The following DNER variants were observed in gnomAD, a reference collection of about 807,000 sequenced individuals.
The protein encoded by DNER is delta and Notch-like epidermal growth factor-related receptor.
In DNER, 33 loss-of-function variants were observed where a neutral mutation model predicts 78.2. The observed-to-expected ratio is 0.42, with a 90% CI of 0.32 to 0.56. The LOEUF (loss-of-function observed/expected upper bound fraction) is 0.56, where lower values mean the gene tolerates loss of function less well. Ranked by LOEUF, DNER falls within the 20% of genes least tolerant of loss-of-function variation. DNER has a pLI of 0.11. For missense variants in DNER, 918 were observed against 975.3 expected (o/e 0.94, Z 0.78); for synonymous variants, 417 against 384.8 (o/e 1.08, Z -0.98).
chr2:229,645,047 C>T (rs1439561717), intron 1 of DNER, among the ~76,000 whole-genome samples: 1 of 152,266 alleles, frequency 6.6e-6, no homozygotes, highest in African/African-American at 2.4e-5. Flanking sequence ...CAGGATCTCA[C>T]TCCTTCACCC....
At chr2:229,681,627 T>C (rs7562346) in intron 1 of DNER, among the ~76,000 whole-genome samples, 86,681 of 151,872 alleles carry the variant, frequency 0.57, 26,183 homozygotes, top group Middle Eastern at 0.69. Flanking sequence ...TTTGCTATAG[T>C]CACCCACCTC....
At chr2:229,684,724 G>C (rs1699455533) in intron 1 of DNER, among the ~76,000 whole-genome samples, 1 of 152,146 alleles carries the variant, frequency 6.6e-6, no homozygotes, top group African/African-American at 2.4e-5. Context: ...AGTTTTCTTG[G>C]AGGTGGACAG....
chr2:229,410,688 TAA>T (rs1447162539), intron 9 of DNER, among the ~76,000 whole-genome samples: 3 of 152,348 alleles, frequency 2.0e-5, no homozygotes, highest in South Asian at 2.1e-4. Context: ...GAAATGTTTC[TAA>T]AAAGACTTTG....
chr2:229,403,774 G>T lies in DNER; in HGVS notation c.1723+3458C>A, dbSNP rs147862081. Among the ~76,000 whole-genome samples, 205 of 152,080 alleles carry T rather than the reference G, an allele frequency of 1.3e-3. 1 individual carries two copies. Among genetic ancestry groups the T allele is most frequent in the Non-Finnish European group, 2.5e-3 (169 of 67,960 alleles). On this transcript the variant is annotated intron_variant, in intron 10 of 12. Coordinates refer to ENST00000341772, the MANE Select transcript of DNER (RefSeq NM_139072.4). The stretch of plus-strand genomic sequence containing the variant: ...TGTAGGGGTAAAGGGATGAGCAGAG[G>T]GGGGCTGAGAGGCAAGAGATGGAGG...
rs149811746 is a variant in DNER at position 229,572,183 on chromosome 2, C to T, written c.847+13675G>A. ...GTTCCCCTTTACCCCAAATGCCTTT[C>T]CCTCTCATACCTGCTCTTCAGTTCA... On this transcript the variant is annotated intron_variant, in intron 4 of 12. Transcript: ENST00000341772. 2.1e-3 allele frequency among the ~76,000 whole-genome samples: 313 copies of T among 152,302 alleles called. 2 individuals carry two copies. The highest frequency in any genetic ancestry group is 7.0e-3 in the African/African-American group (292 of 41,564).
At position 229,483,946 on chromosome 2, in the gene DNER, G is replaced by A. The variant is rs976764409; in HGVS notation, c.1148-6693C>T. 2.0e-5 allele frequency among the ~76,000 whole-genome samples: 3 copies of A among 152,110 alleles called. No homozygotes were observed. In the South Asian group the frequency reaches 6.2e-4, roughly 32 times the overall value. ...TGGAGGCCCCTGTTGTATCCCCAGG[G>A]CACCTGTGTGCTCATCACTGTATAC... is the stretch of plus-strand genomic sequence containing the variant. On this transcript the variant is annotated intron_variant, in intron 6 of 12. Transcript: ENST00000341772.
chr2:229,606,026 G>GA (rs1206930171), intron 1 of DNER, among the ~76,000 whole-genome samples: 2 of 151,964 alleles, frequency 1.3e-5, no homozygotes, highest in African/African-American at 4.8e-5. Flanking sequence ...TTCTCCGGTG[G>GA]AAAAAAAATT....
At chr2:229,627,031 C>A (rs1165801329) in intron 1 of DNER, among the ~76,000 whole-genome samples, 1 of 152,210 alleles carries the variant, frequency 6.6e-6, no homozygotes, top group Non-Finnish European at 1.5e-5. Flanking sequence ...GCAGGCAACA[C>A]ATTTTTCTTT....
At chr2:229,609,430 T>C (rs1005814317) in intron 1 of DNER, among the ~76,000 whole-genome samples, 2 of 152,168 alleles carry the variant, frequency 1.3e-5, no homozygotes, top group Non-Finnish European at 2.9e-5. Context: ...CAAATAATCA[T>C]GTAAATGTTC....
At chr2:229,704,271 C>T (rs1267384474) in intron 1 of DNER, among the ~76,000 whole-genome samples, 1 of 152,162 alleles carries the variant, frequency 6.6e-6, no homozygotes, top group Non-Finnish European at 1.5e-5. Flanking sequence ...AATGGTACAC[C>T]TCTTCTGGAA....
At chr2:229,523,642 G>C (rs1025391834) in intron 5 of DNER, among the ~76,000 whole-genome samples, 1 of 152,252 alleles carries the variant, frequency 6.6e-6, no homozygotes, top group Non-Finnish European at 1.5e-5. Context: ...TACAAATTTG[G>C]GGGGCAGGAG....
At chr2:229,477,274 AT>A in intron 6 of DNER, 21 bp from the exon 7 acceptor site, 1 of 1,579,218 alleles carries the variant, frequency 6.3e-7, no homozygotes, top group Non-Finnish European at 8.7e-7. Context: ...CAAAATGTAC[AT>A]TTTATAAAAT....
At chr2:229,662,580 A>G (rs1307528846) in intron 1 of DNER, among the ~76,000 whole-genome samples, 1 of 152,114 alleles carries the variant, frequency 6.6e-6, no homozygotes, top group Non-Finnish European at 1.5e-5. Context: ...GCAAGCATGG[A>G]CTCTGAGGAA....
At chr2:229,495,082 G>A (rs1482107821) in intron 6 of DNER, among the ~76,000 whole-genome samples, 1 of 152,164 alleles carries the variant, frequency 6.6e-6, no homozygotes, top group Non-Finnish European at 1.5e-5. Context: ...AAATCTTCAA[G>A]TTCTGATCCG....
At chr2:229,510,970 A>G (rs1178664684) in intron 6 of DNER, among the ~76,000 whole-genome samples, 1 of 152,220 alleles carries the variant, frequency 6.6e-6, no homozygotes, top group African/African-American at 2.4e-5. Context: ...CTGGCCTGCA[A>G]GAGAAATACA....
chr2:229,543,471 AC>A (rs1167765618), intron 5 of DNER, among the ~76,000 whole-genome samples: 1 of 152,238 alleles, frequency 6.6e-6, no homozygotes, highest in Non-Finnish European at 1.5e-5. Flanking sequence ...CAGAAGGGCC[AC>A]CCGTAATAAA....
At chr2:229,707,022 T>C (rs1051658978) in intron 1 of DNER, among the ~76,000 whole-genome samples, 50 of 152,066 alleles carry the variant, frequency 3.3e-4, no homozygotes, top group African/African-American at 1.1e-3. Context: ...TGTTTTGTGT[T>C]TTTTTTCCCC....
intron 11 of DNER, among the ~76,000 whole-genome samples, chr2:229,385,195 A>G (rs1052233366): frequency 3.3e-5 from 5 of 152,278 alleles, no homozygotes; most frequent in African/African-American, 1.2e-4. Flanking sequence ...AATGCAATCC[A>G]TCACTTAAAC....
chr2:229,631,041 G>C (rs1698426148), intron 1 of DNER, among the ~76,000 whole-genome samples: 1 of 152,136 alleles, frequency 6.6e-6, no homozygotes, highest in Non-Finnish European at 1.5e-5. Flanking sequence ...ATCCACCACT[G>C]ATGGGCACCT....
Sources: gnomAD v4.1 joint callset for allele counts (sites outside exome capture counted in the v4.1 genomes callset) on GRCh38, gnomAD v4.1.1 for gene constraint, MANE v1.5 for transcripts, NCBI Gene and HGNC (gene_info 2026-07-23, HGNC 2026-07-21) for gene names.